Variants in MALRD1 observed in about 807,000 individuals in gnomAD.
MALRD1 encodes MAM and LDL receptor class A domain containing 1, also known as MAM and LDL-receptor class A domain-containing protein 1.
A neutral mutation model predicts 242.1 loss-of-function variants in MALRD1; 247 were observed. The ratio of observed to expected loss-of-function variants is 1.02; its 90% confidence interval spans 0.92 to 1.13. The LOEUF (loss-of-function observed/expected upper bound fraction) is 1.13. Ranked by LOEUF, MALRD1 falls within the 50% of genes most tolerant of loss-of-function variation. The pLI is 0.00. For synonymous variants in MALRD1, 995 were observed against 866.6 expected, an observed-to-expected ratio of 1.15 and a Z score of -2.60; for missense variants, 2,989 against 2,533.1, an observed-to-expected ratio of 1.18 and a Z score of -3.86.
At chr10:19,498,439 G>A (rs1376081355) in intron 30 of MALRD1, 46 bp from the exon 31 acceptor site, 2 of 1,504,360 alleles carry the variant, frequency 1.3e-6, no homozygotes, top group Non-Finnish European at 9.0e-7. Context: ...AGTAGCAAAT[G>A]TGATAGACAT....
At chr10:19,127,706 T>C (rs78106882) in intron 7 of MALRD1, among the ~76,000 whole-genome samples, 9,741 of 152,160 alleles carry the variant, frequency 0.064, 337 homozygotes, top group South Asian at 0.14. Flanking sequence ...AATCCATAGG[T>C]GACGTTTAAA....
chr10:19,328,319 T>C (rs950441055), intron 23 of MALRD1, among the ~76,000 whole-genome samples: 7 of 152,166 alleles, frequency 4.6e-5, no homozygotes, highest in African/African-American at 7.2e-5. Flanking sequence ...TGTTGTTTTC[T>C]TGGGAATTTT....
intron 14 of MALRD1, among the ~76,000 whole-genome samples, chr10:19,176,325 TAA>T (rs1192515340): frequency 1.3e-5 from 2 of 150,594 alleles, no homozygotes; most frequent in African/African-American, 2.4e-5. Context: ...GGTCCTTTAT[TAA>T]AGACATTTTT....
chr10:19,101,853 T>C (rs1050737582), intron 4 of MALRD1, among the ~76,000 whole-genome samples: 3 of 136,742 alleles, frequency 2.2e-5, no homozygotes, highest in Non-Finnish European at 4.6e-5. Context: ...TGGAGATATA[T>C]CTATAACGTA....
At chr10:19,681,074 A>T (rs1355920061) in intron 36 of MALRD1, among the ~76,000 whole-genome samples, 1 of 151,968 alleles carries the variant, frequency 6.6e-6, no homozygotes, top group Non-Finnish European at 1.5e-5. Context: ...ACTGCCCTTA[A>T]CATTTTTTTC....
intron 18 of MALRD1, among the ~76,000 whole-genome samples, chr10:19,219,037 G>T (rs375331555): frequency 1.2e-4 from 19 of 152,086 alleles, no homozygotes; most frequent in African/African-American, 4.6e-4. Context: ...TTATTTATAT[G>T]TCATAAAGAA....
chr10:19,341,507 T>C (rs1042932254), intron 24 of MALRD1, among the ~76,000 whole-genome samples: 2 of 126,606 alleles, frequency 1.6e-5, no homozygotes, highest in African/African-American at 6.0e-5. Context: ...TATATGTATA[T>C]ATATGTGTGT....
intron 14 of MALRD1, among the ~76,000 whole-genome samples, chr10:19,176,685 T>C (rs1381818307): frequency 1.3e-5 from 2 of 152,030 alleles, no homozygotes; most frequent in African/African-American, 4.8e-5. Flanking sequence ...TGGGTGCTAA[T>C]TTATATTGGG....
chr10:19,438,624 C>T (rs1204301936), intron 28 of MALRD1, among the ~76,000 whole-genome samples: 1 of 152,138 alleles, frequency 6.6e-6, no homozygotes, highest in African/African-American at 2.4e-5. Context: ...TACCAACGTG[C>T]ACAAGAATTC....
chr10:19,087,867 T>C lies in MALRD1; in HGVS notation c.368T>C (p.Val123Ala), dbSNP rs1835726765. Residue 123 changes from valine (V) to alanine (A), a missense_variant, in exon 3 of 40, where the codon GTG (valine) becomes GCG (alanine). Transcript: ENST00000454679. The part of the protein sequence containing the change: ...SAHFLSLVSR[V>A]DSISSSLRSR... ...CACTTCCTCTCACTGGTTTCCAGAG[T>C]GGATTCTATTTCCTCAAGTTTAAGA... The C allele has an allele frequency of 8.1e-7, 1 of 1,233,124 alleles. No individual in the cohort carries two copies. Among genetic ancestry groups the C allele is most frequent in the African/African-American group, 1.6e-5 (1 of 64,514 alleles). 76.4% of individuals were successfully genotyped at this position (1,233,124 alleles called of 1,614,324 possible). A position where few individuals can be genotyped will look rare whatever the true frequency, so the allele number is the denominator to read the frequency against.
At position 19,459,474 on chromosome 10, in the gene MALRD1, TCA is replaced by T. The variant is rs1835828211; in HGVS notation, c.5029+8985_5029+8986del. ...CATGATCAACTAACTGCATTGTTCT[TCA>T]TTAAGCCTTAGAGCCCAATTACTTG... is the stretch of plus-strand genomic sequence containing the variant. On this transcript the variant is annotated intron_variant, in intron 29 of 39. Transcript: ENST00000454679. Among the ~76,000 whole-genome samples, 5 of 152,122 alleles carry T rather than the reference TCA, an allele frequency of 3.3e-5. No individual in the cohort carries two copies. The South Asian group carries it at 1.0e-3, about 31-fold the overall frequency.
At chr10:19,406,627 G>A (rs1268349471) in intron 28 of MALRD1, among the ~76,000 whole-genome samples, 10 of 152,056 alleles carry the variant, frequency 6.6e-5, no homozygotes, top group South Asian at 2.1e-4. Flanking sequence ...TATTCATGAC[G>A]AATAAATATC....
Position 19,285,120 on chromosome 10 carries a change from T to G in MALRD1, c.3419+1939T>G, listed in dbSNP as rs1297247011. ...GGTTGTTTGTTTTTTTCTTGTAAAT[T>G]TGTTTGAGTTCATTGTAGATTCTGG... is the stretch of plus-strand genomic sequence containing the variant. On this transcript the variant is annotated intron_variant, in intron 21 of 39. Transcript: ENST00000454679. Among the ~76,000 whole-genome samples, 39 of 139,370 alleles carry G rather than the reference T, an allele frequency of 2.8e-4. 1 individual carries two copies. Among genetic ancestry groups the G allele is most frequent in the Admixed American group, 2.8e-3 (38 of 13,660 alleles). The allele number at this position is 139,370 out of a possible 152,430, so 91.4% of individuals were successfully genotyped here.
Position 19,313,808 on chromosome 10 carries a change from A to G in MALRD1, c.3420-10141A>G, listed in dbSNP as rs61492111. ...GTTATTCTCCAGTGAATGTCATACA[A>G]TATTGAAACAGGAACTGTGGTTGCC... On this transcript the variant is annotated intron_variant, in intron 21 of 39. Coordinates refer to ENST00000454679, the MANE Select transcript of MALRD1 (RefSeq NM_001142308.3). Among the ~76,000 whole-genome samples the G allele has an allele frequency of 4.0e-5, 6 of 151,488 alleles. 1 individual carries two copies. The highest frequency in any genetic ancestry group is 4.1e-4 in the South Asian group (2 of 4,834).
chr10:19,630,066 G>A (rs1839838101), intron 36 of MALRD1, among the ~76,000 whole-genome samples: 1 of 152,140 alleles, frequency 6.6e-6, no homozygotes, highest in Admixed American at 6.6e-5. Context: ...GAAAGAACTA[G>A]TTTATGTTTG....
At chr10:19,215,667 G>A in intron 18 of MALRD1, among the ~76,000 whole-genome samples, 1 of 151,960 alleles carries the variant, frequency 6.6e-6, no homozygotes. Flanking sequence ...TCAAACTAAT[G>A]TCTACTCCTT....
intron 33 of MALRD1, among the ~76,000 whole-genome samples, chr10:19,585,876 AT>A (rs1397538730): frequency 2.6e-5 from 4 of 152,118 alleles, no homozygotes; most frequent in Non-Finnish European, 5.9e-5. Context: ...TCAGACGTAG[AT>A]TTGGTCTTTT....
At chr10:19,364,685 A>G (rs1489324181) in intron 26 of MALRD1, among the ~76,000 whole-genome samples, 1 of 152,268 alleles carries the variant, frequency 6.6e-6, no homozygotes, top group African/African-American at 2.4e-5. Flanking sequence ...TTTCTCTTGG[A>G]AGAAAAATAT....
chr10:19,419,719 C>T (rs1209951322), intron 28 of MALRD1, among the ~76,000 whole-genome samples: 1 of 152,086 alleles, frequency 6.6e-6, no homozygotes, highest in Non-Finnish European at 1.5e-5. Context: ...GTGATCACTG[C>T]AATATATTCA....
Sources: gnomAD v4.1 joint callset for allele counts (sites outside exome capture counted in the v4.1 genomes callset) on GRCh38, gnomAD v4.1.1 for gene constraint, MANE v1.5 for transcripts, NCBI Gene and HGNC (gene_info 2026-07-23, HGNC 2026-07-21) for gene names.